The following TRNAU1AP variants were observed in gnomAD, a reference collection of about 807,000 sequenced individuals.
The protein encoded by TRNAU1AP is tRNA selenocysteine 1 associated protein 1.
In TRNAU1AP, 33 loss-of-function variants were observed where a neutral mutation model predicts 43.3. The observed-to-expected ratio is 0.76, with a 90% CI of 0.58 to 1.02. The LOEUF (loss-of-function observed/expected upper bound fraction) is 1.02, where lower values mean the gene tolerates loss of function less well. Ranked by LOEUF, TRNAU1AP falls within the 50% of genes least tolerant of loss-of-function variation. TRNAU1AP has a pLI of 0.00. For synonymous variants in TRNAU1AP, 143 were observed against 129.1 expected, an observed-to-expected ratio of 1.11 and a Z score of -0.73; for missense variants, 290 against 362.7, an observed-to-expected ratio of 0.80 and a Z score of 1.63.
At chr1:28,573,239 G>A (rs1322022394) in intron 8 of TRNAU1AP, among the ~76,000 whole-genome samples, 7 of 148,324 alleles carry the variant, frequency 4.7e-5, no homozygotes, top group African/African-American at 1.7e-4. Flanking sequence ...TCACCATCTT[G>A]GCCAGGCTAG....
intron 2 of TRNAU1AP, among the ~76,000 whole-genome samples, chr1:28,555,754 G>A (rs1665245236): frequency 1.3e-5 from 2 of 151,876 alleles, no homozygotes; most frequent in South Asian, 4.2e-4. Flanking sequence ...CTGGTAGATC[G>A]TGCCCACCTA....
chr1:28,567,217 C>G (rs1665560669), intron 5 of TRNAU1AP, 77 bp from the exon 6 acceptor site: 1 of 1,518,620 alleles, frequency 6.6e-7, no homozygotes, highest in African/African-American at 1.4e-5. Flanking sequence ...ACCTTCTTAT[C>G]CTTACTTCTT....
At chr1:28,570,674 C>T (rs1665645527) in intron 6 of TRNAU1AP, among the ~76,000 whole-genome samples, 1 of 152,070 alleles carries the variant, frequency 6.6e-6, no homozygotes, top group South Asian at 2.1e-4. Context: ...GAGCCATACT[C>T]TCATATTAGC....
chr1:28,574,180 C>T (rs1336092255), intron 8 of TRNAU1AP, among the ~76,000 whole-genome samples: 1 of 151,540 alleles, frequency 6.6e-6, no homozygotes, highest in Admixed American at 6.6e-5. Flanking sequence ...CTCTGCCTCC[C>T]AGGTTCAAGT....
chr1:28,564,101 C>T (rs1403055312), intron 4 of TRNAU1AP, among the ~76,000 whole-genome samples: 1 of 152,042 alleles, frequency 6.6e-6, no homozygotes, highest in Non-Finnish European at 1.5e-5. Context: ...CCCGTCTCTG[C>T]TAAAAATACA....
At position 28,564,127 on chromosome 1, in the gene TRNAU1AP, G is replaced by A. The variant is rs148585100; in HGVS notation, c.279-576G>A. On this transcript the variant is annotated intron_variant, in intron 4 of 8. Coordinates refer to ENST00000373830, the MANE Select transcript of TRNAU1AP (RefSeq NM_017846.5). ...TAAAAATACAAAAGATTAGCTGGGC[G>A]TGGTGGTGCGCACCTGTTATCCCAG... Among the ~76,000 whole-genome samples the A allele has an allele frequency of 5.0e-3, 765 of 152,194 alleles. 4 individuals carry two copies. The highest frequency in any genetic ancestry group is 0.016 in the African/African-American group (666 of 41,528).
At chr1:28,573,036 CTTTT>C (rs534588648) in intron 8 of TRNAU1AP, among the ~76,000 whole-genome samples, 2 of 133,748 alleles carry the variant, frequency 1.5e-5, no homozygotes, top group Admixed American at 7.6e-5. Context: ...TTTTCTTTTT[CTTTT>C]TTTTTTTTTT....
At chr1:28,571,409 A>G in intron 7 of TRNAU1AP, 71 bp downstream of exon 7, 1 of 1,527,848 alleles carries the variant, frequency 6.5e-7, no homozygotes, top group South Asian at 1.1e-5. Context: ...ATTCTCTAGG[A>G]TGGGATTGGT....
intron 4 of TRNAU1AP, among the ~76,000 whole-genome samples, chr1:28,563,027 C>G (rs1300869650): frequency 6.6e-6 from 1 of 151,518 alleles, no homozygotes; most frequent in Non-Finnish European, 1.5e-5. Flanking sequence ...TCCCAAGTAG[C>G]TGGGATTACA....
intron 2 of TRNAU1AP, among the ~76,000 whole-genome samples, chr1:28,558,560 A>ATTTTT: frequency 1.1e-5 from 1 of 88,336 alleles, no homozygotes; most frequent in Non-Finnish European, 2.1e-5. Flanking sequence ...CGCCCGACTA[A>ATTTTT]TTTTTTTTTT....
At chr1:28,557,337 G>A (rs1404804988) in intron 2 of TRNAU1AP, among the ~76,000 whole-genome samples, 1 of 151,330 alleles carries the variant, frequency 6.6e-6, no homozygotes, top group African/African-American at 2.4e-5. Flanking sequence ...GGAGAATGGC[G>A]TGAACCCGGG....
At chr1:28,571,817 G>A in intron 7 of TRNAU1AP, 50 bp from the exon 8 acceptor site, 8 of 1,484,652 alleles carry the variant, frequency 5.4e-6, no homozygotes, top group Non-Finnish European at 7.4e-6. Flanking sequence ...CTGTGGTCCT[G>A]GGCCAGGATT....
intron 2 of TRNAU1AP, among the ~76,000 whole-genome samples, chr1:28,558,812 G>T (rs1026442219): frequency 6.6e-6 from 1 of 151,882 alleles, no homozygotes; most frequent in South Asian, 2.1e-4. Context: ...TGATCCGCCC[G>T]CCTCGGCCTC....
intron 8 of TRNAU1AP, among the ~76,000 whole-genome samples, chr1:28,575,615 A>T (rs577508517): frequency 1.4e-5 from 2 of 145,382 alleles, no homozygotes; most frequent in East Asian, 4.2e-4. Context: ...GGCATGCGCC[A>T]TCATGCCCAG....
Position 28,574,639 on chromosome 1 carries a change from A to T in TRNAU1AP, c.727+2739A>T, listed in dbSNP as rs531697796. The stretch of plus-strand genomic sequence containing the variant: ...GGCTGGTCTTGAACTCCTAGGTTCA[A>T]GTGATCTGCCCATCTCGGCCTTCCA... On this transcript the variant is annotated intron_variant, in intron 8 of 8. Transcript: ENST00000373830. 8.5e-5 allele frequency: 13 copies of T among 152,246 alleles called. No individual in the cohort carries two copies. In the South Asian group the frequency reaches 2.7e-3, roughly 32 times the overall value. The allele number at this position is 152,246 out of a possible 1,614,324, so 9.4% of individuals were successfully genotyped here. A position where few individuals can be genotyped will look rare whatever the true frequency, so the allele number is the denominator to read the frequency against.
In TRNAU1AP at chr1:28,577,626, C is replaced by T; in HGVS notation, c.854C>T (p.Ala285Val). Reference protein sequence around the residue: ...PLDTVSSEIPAMM With the variant: ...PLDTVSSEIPVMM ...GACACAGTGTCTTCAGAGATCCCTG[C>T]CATGATGTAGCCAGGCCAAAGGACA... The change falls in exon 9 of 9, where the codon GCC (alanine) becomes GTC (valine). Residue 285 changes from alanine to valine, a missense_variant. Physicochemically the swap from Ala to Val is moderately conservative, Grantham distance 64 (BLOSUM62 0). This residue lies in a region of TRNAU1AP where 57 missense variants were observed against 55.1 expected (regional missense o/e 1.03). Transcript: ENST00000373830. The T allele has an allele frequency of 6.2e-7, 1 of 1,613,854 alleles. No individual in the cohort carries two copies. The highest frequency in any genetic ancestry group is 8.5e-7 in the Non-Finnish European group (1 of 1,179,902).
At chr1:28,561,869 G>A (rs10157530) in intron 4 of TRNAU1AP, among the ~76,000 whole-genome samples, 79,552 of 151,746 alleles carry the variant, frequency 0.52, 22,488 homozygotes, top group African/African-American at 0.74. Context: ...TCAGGAGATC[G>A]AGACCATCCT....
chr1:28,564,541 G>A (rs1182629613), intron 4 of TRNAU1AP, among the ~76,000 whole-genome samples, 162 bp from the exon 5 acceptor site: 2 of 152,176 alleles, frequency 1.3e-5, no homozygotes, highest in African/African-American at 4.8e-5. Flanking sequence ...TAACTCTTCT[G>A]CCAGGACTGC....
chr1:28,577,556 G>T lies in TRNAU1AP; in HGVS notation c.784G>T (p.Glu262Ter). ...EANKEFMEQS[E>*]ELYDALMDCH... The stretch of plus-strand genomic sequence containing the variant: ...CAACAAGGAGTTCATGGAACAGAGT[G>T]AGGAGCTGTATGACGCTCTGATGGA... Residue 262 changes from glutamate (E) to a stop codon, truncating the protein, a stop_gained, in exon 9 of 9, where the codon GAG (glutamate) becomes TAG (stop). Transcript: ENST00000373830. LOFTEE classifies it high-confidence loss of function. 1 of 1,614,172 alleles carries T rather than the reference G, an allele frequency of 6.2e-7. No individual in the cohort carries two copies. Among genetic ancestry groups the T allele is most frequent in the Non-Finnish European group, 8.5e-7 (1 of 1,180,012 alleles).
Sources: allele counts gnomAD v4.1 joint callset (sites outside exome capture counted in the v4.1 genomes callset), GRCh38; gene constraint gnomAD v4.1.1; regional missense constraint gnomAD v4.1.1; transcripts MANE v1.5; gene names NCBI Gene and HGNC (gene_info 2026-07-23, HGNC 2026-07-21).